CDH13: variants seen among roughly 807,000 people sequenced by gnomAD.
CDH13 encodes cadherin 13, also known as cadherin-13.
Under a neutral mutation model 63.8 loss-of-function variants are expected in CDH13, and 24 were observed. That is an observed-to-expected ratio of 0.38 (90% CI 0.27 to 0.53). The LOEUF (loss-of-function observed/expected upper bound fraction) is 0.53, where lower values mean the gene tolerates loss of function less well. CDH13 is among the 20% of genes least tolerant of loss of function. The pLI is 0.85. For missense variants in CDH13, 1,049 were observed against 903.1 expected (o/e 1.16, Z -2.07); for synonymous variants, 503 against 355.3 (o/e 1.42, Z -4.67).
chr16:82,868,205 C>T (rs896127172), intron 2 of CDH13, among the ~76,000 whole-genome samples: 2 of 152,302 alleles, frequency 1.3e-5, no homozygotes, highest in Admixed American at 1.3e-4. Flanking sequence ...TTGCCTAATT[C>T]ACTCTATCAT....
intron 5 of CDH13, among the ~76,000 whole-genome samples, chr16:83,228,456 A>G (rs996834465): frequency 6.6e-6 from 1 of 152,180 alleles, no homozygotes; most frequent in Non-Finnish European, 1.5e-5. Context: ...AAGGGACACT[A>G]TCACTGTTCT....
intron 3 of CDH13, among the ~76,000 whole-genome samples, chr16:83,109,897 C>A (rs1165644796): frequency 6.6e-6 from 1 of 152,220 alleles, no homozygotes; most frequent in Non-Finnish European, 1.5e-5. Context: ...TCCAGTAAAA[C>A]TAGCAAGTCT....
At position 83,734,049 on chromosome 16, in the gene CDH13, C is replaced by G. The variant is rs181731020; in HGVS notation, c.1539-14059C>G. Among the ~76,000 whole-genome samples the G allele has an allele frequency of 1.1e-4, 17 of 152,210 alleles. No homozygotes were observed. The East Asian group carries it at 3.3e-3, about 29-fold the overall frequency. On this transcript the variant is annotated intron_variant, in intron 10 of 13. Coordinates refer to ENST00000567109, the MANE Select transcript of CDH13 (RefSeq NM_001257.5). ...TTAGTCACCAGATTAAACCCCAAAG[C>G]CTTACCTCCCCTCCTGTGACCATCC... is the stretch of plus-strand genomic sequence containing the variant.
At chr16:83,398,683 C>T (rs1490504543) in intron 6 of CDH13, among the ~76,000 whole-genome samples, 1 of 152,202 alleles carries the variant, frequency 6.6e-6, no homozygotes, top group East Asian at 1.9e-4. Context: ...AACATGTTCA[C>T]AGTTGATGCT....
intron 1 of CDH13, among the ~76,000 whole-genome samples, chr16:82,739,491 A>G (rs2033837064): frequency 1.3e-5 from 2 of 152,254 alleles, no homozygotes; most frequent in Admixed American, 6.5e-5. Flanking sequence ...AGAGAAGACC[A>G]AGTAACAGTT....
chr16:82,697,090 C>A (rs2030390027), intron 1 of CDH13, among the ~76,000 whole-genome samples: 1 of 152,170 alleles, frequency 6.6e-6, no homozygotes, highest in South Asian at 2.1e-4. Context: ...TATATTGTTA[C>A]TTTTACCATG....
intron 2 of CDH13, among the ~76,000 whole-genome samples, chr16:82,924,440 A>G (rs1177349241): frequency 6.6e-6 from 1 of 152,116 alleles, no homozygotes; most frequent in Non-Finnish European, 1.5e-5. Flanking sequence ...CAAAACAAAT[A>G]TTTATTTACT....
At chr16:83,424,522 T>C (rs938757387) in intron 6 of CDH13, among the ~76,000 whole-genome samples, 3 of 152,122 alleles carry the variant, frequency 2.0e-5, no homozygotes, top group Admixed American at 2.0e-4. Context: ...TAAGCTGCTG[T>C]GGTAAGAGGT....
At chr16:83,008,881 G>C (rs1366821062) in intron 2 of CDH13, among the ~76,000 whole-genome samples, 1 of 152,194 alleles carries the variant, frequency 6.6e-6, no homozygotes, top group Admixed American at 6.5e-5. Context: ...AGCATGGCTG[G>C]GGAGGTCTCA....
intron 5 of CDH13, among the ~76,000 whole-genome samples, chr16:83,228,539 T>C (rs1447303215): frequency 6.6e-6 from 1 of 152,178 alleles, no homozygotes; most frequent in Non-Finnish European, 1.5e-5. Flanking sequence ...GAGGGTCATG[T>C]TACAGGTTCA....
At chr16:82,744,922 G>A (rs1336826710) in intron 1 of CDH13, among the ~76,000 whole-genome samples, 2 of 152,018 alleles carry the variant, frequency 1.3e-5, no homozygotes, top group African/African-American at 4.8e-5. Context: ...CACCATACAG[G>A]GCTGCCTCTC....
chr16:83,747,221 T>C (rs1314679123), intron 10 of CDH13, among the ~76,000 whole-genome samples: 1 of 152,226 alleles, frequency 6.6e-6, no homozygotes, highest in Non-Finnish European at 1.5e-5. Context: ...ATAGTTTGGC[T>C]GTGTCCTCAC....
intron 1 of CDH13, among the ~76,000 whole-genome samples, chr16:82,835,294 G>A (rs2038718297): frequency 6.6e-6 from 1 of 152,208 alleles, no homozygotes; most frequent in Non-Finnish European, 1.5e-5. Flanking sequence ...GGCAGCTCTA[G>A]AGAGCTGGAA....
chr16:83,757,134 C>G (rs942609860), intron 11 of CDH13, among the ~76,000 whole-genome samples: 2 of 152,182 alleles, frequency 1.3e-5, no homozygotes, highest in African/African-American at 4.8e-5. Context: ...CAGAAACACC[C>G]TAACTGACTG....
At chr16:83,385,437 G>C (rs1040128609) in intron 6 of CDH13, among the ~76,000 whole-genome samples, 1 of 152,324 alleles carries the variant, frequency 6.6e-6, no homozygotes, top group African/African-American at 2.4e-5. Context: ...TCACTTTTCA[G>C]AGGCCCATCT....
chr16:82,990,334 T>TGAGG (rs1161697201), intron 2 of CDH13: 2 of 151,946 alleles, frequency 1.3e-5, no homozygotes, highest in East Asian at 3.9e-4. Context: ...GACTCAGGAG[T>TGAGG]GAGGAAACAG....
intron 2 of CDH13, among the ~76,000 whole-genome samples, chr16:82,889,300 A>ATCTCTCTC (rs59500269): frequency 0.14 from 21,101 of 149,752 alleles, 1,442 homozygotes; most frequent in Middle Eastern, 0.2. Context: ...TCTCTCTATT[A>ATCTCTCTC]TCTCTCTCTC....
chr16:83,168,686 T>C (rs950031370), intron 4 of CDH13, among the ~76,000 whole-genome samples: 1 of 152,170 alleles, frequency 6.6e-6, no homozygotes, highest in Non-Finnish European at 1.5e-5. Flanking sequence ...TCTATTTTTT[T>C]CTATCCATAT....
intron 7 of CDH13, among the ~76,000 whole-genome samples, chr16:83,496,114 C>G (rs61688385): frequency 1.8e-3 from 276 of 152,042 alleles, no homozygotes; most frequent in African/African-American, 6.3e-3. Flanking sequence ...AGTGCCATCC[C>G]CATCAAGCTA....
Sources: allele counts gnomAD v4.1 joint callset (sites outside exome capture counted in the v4.1 genomes callset), GRCh38; gene constraint gnomAD v4.1.1; transcripts MANE v1.5; gene names NCBI Gene and HGNC (gene_info 2026-07-23, HGNC 2026-07-21).